Variants in CABIN1 observed in about 807,000 individuals in gnomAD.
The protein encoded by CABIN1 is calcineurin binding protein 1.
CABIN1 carries 133 observed loss-of-function variants against 227.7 expected under a neutral mutation model. That is an observed-to-expected ratio of 0.58 (90% CI 0.51 to 0.67). The LOEUF is 0.67. CABIN1 is among the 30% of genes least tolerant of loss of function. The pLI, the probability that CABIN1 is intolerant of heterozygous loss-of-function variation, is 0.00. For missense variants in CABIN1, 2,408 were observed against 2,852.5 expected, an observed-to-expected ratio of 0.84 and a Z score of 3.55; for synonymous variants, 1,086 against 1,155.1, an observed-to-expected ratio of 0.94 and a Z score of 1.21.
chr22:24,042,851 T>TGG (rs1461145676), intron 5 of CABIN1, 53 bp from the exon 6 acceptor site: 1 of 920,330 alleles, frequency 1.1e-6, no homozygotes, highest in Non-Finnish European at 1.8e-6. Context: ...TGTGTGTGTG[T>TGG]GTGTGTGTGT....
Position 24,177,443 on chromosome 22 carries a change from A to G in CABIN1, c.6206-61A>G. The G allele has an allele frequency of 7.1e-7, 1 of 1,408,824 alleles. No homozygotes were observed. Among genetic ancestry groups the G allele is most frequent in the Non-Finnish European group, 9.5e-7 (1 of 1,047,310 alleles). 87.3% of individuals were successfully genotyped at this position (1,408,824 alleles called of 1,614,324 possible). A position where few individuals can be genotyped will look rare whatever the true frequency, so the allele number is the denominator to read the frequency against. On this transcript the variant is annotated intron_variant, in intron 35 of 36. Transcript: ENST00000263119. This position sits in a 1 kb window ranked among gnomAD's most constrained non-coding sequence, Gnocchi z 4.4. ...CCTGGGGGGAGCGGGTGGGGGCGAG[A>G]TAAAGTGCTCACTGTGTGATGCGGC...
intron 7 of CABIN1, 79 bp from the exon 8 acceptor site, chr22:24,050,746 A>G (rs1485112620): frequency 1.9e-6 from 3 of 1,550,444 alleles, no homozygotes; most frequent in South Asian, 1.1e-5. Flanking sequence ...ATTAACCTAA[A>G]TGCATTTTTG....
At chr22:24,027,893 T>G (rs953782626) in intron 1 of CABIN1, among the ~76,000 whole-genome samples, 1 of 152,008 alleles carries the variant, frequency 6.6e-6, no homozygotes, top group Non-Finnish European at 1.5e-5. Flanking sequence ...CCAAATTGAC[T>G]AAGATACAGA....
At chr22:24,117,767 T>C (rs2043171789) in intron 27 of CABIN1, among the ~76,000 whole-genome samples, 3 of 152,236 alleles carry the variant, frequency 2.0e-5, no homozygotes, top group South Asian at 2.1e-4. Flanking sequence ...GTGTCCAAGC[T>C]CTCAGTGCCT....
At chr22:24,072,079 ATGCCC>A (rs1412292112) in intron 17 of CABIN1, among the ~76,000 whole-genome samples, 1 of 152,062 alleles carries the variant, frequency 6.6e-6, no homozygotes, top group African/African-American at 2.4e-5. Context: ...CAGCTCCCCC[ATGCCC>A]TGTTCACAGG....
Position 24,134,360 on chromosome 22 carries a change from A to G in CABIN1, c.4691A>G (p.Gln1564Arg). 1.2e-6 allele frequency: 2 copies of G among 1,614,216 alleles called. No homozygotes were observed. The highest frequency in any genetic ancestry group is 1.7e-6 in the Non-Finnish European group (2 of 1,180,018). Reference protein sequence around the residue: ...LGSSIPWQQLQHMPAQGLFCE... With the variant: ...LGSSIPWQQLRHMPAQGLFCE... ...AGCAGTATCCCGTGGCAACAACTGCAGCACATGCCGGCACAGGGGCTCTTC... is the reference window on the plus strand; with the variant it reads ...AGCAGTATCCCGTGGCAACAACTGCGGCACATGCCGGCACAGGGGCTCTTC... Residue 1564 changes from glutamine (Q) to arginine (R), a missense_variant, in exon 29 of 37, where the codon CAG becomes CGG. Coordinates refer to ENST00000263119, the MANE Select transcript of CABIN1 (RefSeq NM_012295.4).
chr22:24,107,247 T>C (rs1390738137), intron 26 of CABIN1, among the ~76,000 whole-genome samples: 3 of 152,186 alleles, frequency 2.0e-5, no homozygotes, highest in Non-Finnish European at 2.9e-5. Context: ...GTGAGCCCCA[T>C]TAGCAGAGCC....
In CABIN1 at chr22:24,136,027, C is replaced by G. The variant is rs1194832283; in HGVS notation, c.4746+1612C>G. On this transcript the variant is annotated intron_variant, in intron 29 of 36. Transcript: ENST00000263119. Reference sequence around the variant, plus strand: ...AGGGGTGTTATTGGTAATCAATCTACATGATACCAAGGGATTTGCTGCAAA... The same window carrying G: ...AGGGGTGTTATTGGTAATCAATCTAGATGATACCAAGGGATTTGCTGCAAA... 2.0e-5 allele frequency among the ~76,000 whole-genome samples: 3 copies of G among 152,160 alleles called. No homozygotes were observed. The East Asian group carries it at 5.8e-4, about 29-fold the overall frequency.
chr22:24,151,070 G>A (rs115431761), intron 29 of CABIN1, among the ~76,000 whole-genome samples: 1,945 of 152,284 alleles, frequency 0.013, 36 homozygotes, highest in African/African-American at 0.045. Context: ...GGCAGTAAGA[G>A]GTAGTGGGAT....
chr22:24,093,646 A>C (rs2041695682), intron 24 of CABIN1, among the ~76,000 whole-genome samples: 1 of 152,192 alleles, frequency 6.6e-6, no homozygotes. Context: ...GCTTGAGTCC[A>C]GGAGTTTGAG....
rs1471142758 is a variant in CABIN1 at position 24,076,190 on chromosome 22, T to TC, written c.2657dup (p.Ser887IlefsTer44). ...CTAGGGATGTCAGAGACGCCCATGC[T>TC]CCCATCCTCCCTCATGCTGCTGAAC... On this transcript the variant is annotated frameshift_variant, in exon 19 of 37. Coordinates refer to ENST00000263119, the MANE Select transcript of CABIN1 (RefSeq NM_012295.4). LOFTEE classifies it high-confidence loss of function. 1 of 1,614,022 alleles carries TC rather than the reference T, an allele frequency of 6.2e-7. No homozygotes were observed. Among genetic ancestry groups the TC allele is most frequent in the Admixed American group, 1.7e-5 (1 of 59,996 alleles).
intron 7 of CABIN1, among the ~76,000 whole-genome samples, chr22:24,050,114 G>A (rs2038211664): frequency 6.6e-6 from 1 of 152,164 alleles, no homozygotes; most frequent in Admixed American, 6.5e-5. Flanking sequence ...CACCTGTAGG[G>A]GTTGATTAGT....
At chr22:24,020,370 G>A (rs959749991) in intron 1 of CABIN1, among the ~76,000 whole-genome samples, 7 of 151,688 alleles carry the variant, frequency 4.6e-5, no homozygotes, top group African/African-American at 9.7e-5. Flanking sequence ...CACCCAGGCC[G>A]GCATACAGTG....
intron 14 of CABIN1, 70 bp downstream of exon 14, chr22:24,063,216 T>A (rs1179002700): frequency 2.0e-6 from 3 of 1,493,192 alleles, no homozygotes; most frequent in African/African-American, 2.8e-5. Context: ...AAATTGACCA[T>A]GTTGAGGGTG....
intron 4 of CABIN1, among the ~76,000 whole-genome samples, chr22:24,038,711 G>A (rs532360383): frequency 1.4e-4 from 21 of 152,320 alleles, no homozygotes; most frequent in South Asian, 2.1e-4. Context: ...GCCAGCTATC[G>A]TTATTACTTA....
At chr22:24,119,101 C>T (rs777614287) in intron 27 of CABIN1, among the ~76,000 whole-genome samples, 102 of 152,332 alleles carry the variant, frequency 6.7e-4, no homozygotes, top group Middle Eastern at 3.4e-3. Flanking sequence ...AGAGCCCAGC[C>T]CATAACTTCC....
intron 23 of CABIN1, among the ~76,000 whole-genome samples, chr22:24,089,869 A>T (rs1030641827): frequency 2.0e-5 from 3 of 152,178 alleles, no homozygotes; most frequent in Non-Finnish European, 4.4e-5. Context: ...TAGCTGTATG[A>T]CCTGGAAGCA....
chr22:24,149,920 C>T (rs1034464343), intron 29 of CABIN1, among the ~76,000 whole-genome samples: 1 of 152,234 alleles, frequency 6.6e-6, no homozygotes, highest in Admixed American at 6.5e-5. Context: ...GGCCATGCCT[C>T]GGCTTAGGCC....
intron 6 of CABIN1, among the ~76,000 whole-genome samples, chr22:24,045,537 GC>G (rs1222631992): frequency 6.6e-6 from 1 of 151,132 alleles, no homozygotes; most frequent in African/African-American, 2.4e-5. Context: ...GAACCTAGGA[GC>G]TAGAGGTTAC....
Sources: gnomAD v4.1 joint callset for allele counts (sites outside exome capture counted in the v4.1 genomes callset) on GRCh38, gnomAD v4.1.1 for gene constraint, Gnocchi (gnomAD v3.1) non-coding constraint, MANE v1.5 for transcripts, NCBI Gene and HGNC (gene_info 2026-07-23, HGNC 2026-07-21) for gene names.